ARMC9: variants seen among roughly 807,000 people sequenced by gnomAD.
ARMC9 encodes armadillo repeat containing 9, also known as lisH domain-containing protein ARMC9.
In ARMC9, 94 loss-of-function variants were observed where a neutral mutation model predicts 107.0. The observed-to-expected ratio is 0.88, with a 90% CI of 0.74 to 1.04. The LOEUF is 1.04. ARMC9 is among the 50% of genes least tolerant of loss of function. The probability of loss-of-function intolerance (pLI) is 0.00; values close to 1 mark genes in which losing one functional copy is unlikely to be tolerated. For synonymous variants in ARMC9, 380 were observed against 396.9 expected (o/e 0.96, Z 0.51); for missense variants, 942 against 1,030.1 (o/e 0.91, Z 1.17).
At chr2:231,266,848 C>T (rs1014405052) in intron 12 of ARMC9, among the ~76,000 whole-genome samples, 21 of 152,234 alleles carry the variant, frequency 1.4e-4, no homozygotes, top group Admixed American at 6.5e-5. Context: ...TCTCTTCCTC[C>T]GTCAGTAGAA....
At chr2:231,307,374 G>A (rs578058968) in intron 19 of ARMC9, among the ~76,000 whole-genome samples, 2 of 152,296 alleles carry the variant, frequency 1.3e-5, no homozygotes, top group South Asian at 2.1e-4. Flanking sequence ...ATGGCCAGGC[G>A]TGTAAGAGCC....
intron 5 of ARMC9, 117 bp from the exon 6 acceptor site, chr2:231,222,611 A>G (rs1193333354): frequency 9.4e-6 from 5 of 532,932 alleles, no homozygotes; most frequent in Non-Finnish European, 1.7e-5. Flanking sequence ...CGTCACTGGC[A>G]TTTTGGTTTT....
chr2:231,332,440 G>C (rs2043805696), intron 20 of ARMC9, among the ~76,000 whole-genome samples: 1 of 152,118 alleles, frequency 6.6e-6, no homozygotes, highest in African/African-American at 2.4e-5. Flanking sequence ...AACTGAAGAG[G>C]GTTATGGAAA....
chr2:231,277,854 C>A (rs940517880), intron 15 of ARMC9, among the ~76,000 whole-genome samples: 11 of 152,134 alleles, frequency 7.2e-5, no homozygotes, highest in African/African-American at 2.7e-4. Flanking sequence ...TAAAGCACCG[C>A]ACCCAGCCAA....
In ARMC9 at chr2:231,235,205, G is replaced by T; in HGVS notation, c.623-19G>T. 1 of 1,605,022 alleles carries T rather than the reference G, an allele frequency of 6.2e-7. No individual in the cohort carries two copies. On this transcript the variant is annotated intron_variant, in intron 7 of 24. Transcript: ENST00000611582. The stretch of plus-strand genomic sequence containing the variant: ...TTGTGGATTTTTATTGATGTTGTTT[G>T]TTTTAACTGTCTTCCTAGAAATCTT...
At chr2:231,306,100 T>C (rs1293174290) in intron 19 of ARMC9, among the ~76,000 whole-genome samples, 2 of 152,204 alleles carry the variant, frequency 1.3e-5, no homozygotes, top group African/African-American at 4.8e-5. Context: ...GAAAGACAGC[T>C]TTCATCATAT....
intron 6 of ARMC9, among the ~76,000 whole-genome samples, chr2:231,226,356 C>T (rs149402571): frequency 6.6e-6 from 1 of 152,300 alleles, no homozygotes; most frequent in Non-Finnish European, 1.5e-5. Context: ...CAATACTGTG[C>T]TATGCTGTTT....
intron 9 of ARMC9, 184 bp downstream of exon 9, chr2:231,240,225 GC>G: frequency 1.6e-6 from 1 of 621,510 alleles, no homozygotes; most frequent in Non-Finnish European, 2.8e-6. Context: ...CTGAAAGCTG[GC>G]CTCCTAGGGA....
chr2:231,256,271 T>A lies in ARMC9; in HGVS notation c.880-315T>A, dbSNP rs900860477. 3.7e-5 allele frequency: 58 copies of A among 1,552,784 alleles called. No homozygotes were observed. In the African/African-American group the frequency reaches 6.6e-4, roughly 18 times the overall value. ...GCGCGAGGGCGACGTGCTCACCCTT[T>A]TGGAGTCAGAGCGAGAAGCCCGGAG... On this transcript the variant is annotated intron_variant, in intron 9 of 24. Coordinates refer to ENST00000611582, the MANE Select transcript of ARMC9 (RefSeq NM_001352754.2).
At chr2:231,286,324 C>T (rs1033311300) in intron 17 of ARMC9, among the ~76,000 whole-genome samples, 32 of 152,190 alleles carry the variant, frequency 2.1e-4, no homozygotes, top group Admixed American at 2.0e-3. Context: ...CCGTGTTGGC[C>T]AGGCTGGTCT....
intron 21 of ARMC9, among the ~76,000 whole-genome samples, chr2:231,350,451 A>G (rs2125587351): frequency 6.6e-6 from 1 of 152,030 alleles, no homozygotes; most frequent in Admixed American, 6.5e-5. Context: ...TGTTTGATAC[A>G]TTTCCTTGCT....
intron 23 of ARMC9, among the ~76,000 whole-genome samples, chr2:231,363,883 CAAAAAAAAAAAAAA>C (rs1176736980): frequency 7.4e-4 from 12 of 16,282 alleles, no homozygotes; most frequent in South Asian, 2.9e-3. Context: ...GACTCCGTCT[CAAAAAAAAAAAAAA>C]AAAAAAAAAA....
At chr2:231,321,079 T>C (rs2042971501) in intron 19 of ARMC9, among the ~76,000 whole-genome samples, 1 of 152,222 alleles carries the variant, frequency 6.6e-6, no homozygotes, top group East Asian at 1.9e-4. Flanking sequence ...AGTGTTCTCA[T>C]CTGTAAAGCG....
intron 10 of ARMC9, among the ~76,000 whole-genome samples, chr2:231,257,928 C>T (rs971052008): frequency 2.0e-5 from 3 of 152,120 alleles, no homozygotes; most frequent in Non-Finnish European, 2.9e-5. Context: ...CTTGTTTTAG[C>T]GACAAGGAAG....
At chr2:231,295,939 T>C (rs1184900997) in intron 18 of ARMC9, 1 of 322,880 alleles carries the variant, frequency 3.1e-6, no homozygotes, top group Non-Finnish European at 5.6e-6. Flanking sequence ...TCCCCTAAAA[T>C]TATATGCTGG....
chr2:231,216,591 T>C lies in ARMC9; in HGVS notation c.349-47T>C, dbSNP rs1397144543. On this transcript the variant is annotated intron_variant, in intron 4 of 24. Transcript: ENST00000611582. ...GAGAGGATGGGGTGAGCAGATAGAC[T>C]GGGCATTGATCTGGAGACCTCAAAC... is the stretch of plus-strand genomic sequence containing the variant. The C allele has an allele frequency of 3.2e-6, 5 of 1,583,128 alleles. No individual in the cohort carries two copies. The East Asian group carries it at 1.1e-4, about 35-fold the overall frequency.
At chr2:231,292,723 C>A (rs544466191) in intron 18 of ARMC9, among the ~76,000 whole-genome samples, 4 of 152,292 alleles carry the variant, frequency 2.6e-5, no homozygotes, top group African/African-American at 9.6e-5. Context: ...TCCCTGACAC[C>A]CAGCAGTCCA....
At chr2:231,230,464 T>C (rs565281158) in intron 7 of ARMC9, among the ~76,000 whole-genome samples, 1 of 152,348 alleles carries the variant, frequency 6.6e-6, no homozygotes, top group East Asian at 1.9e-4. Flanking sequence ...TGTTTAATGC[T>C]CTGAAATAAA....
At chr2:231,316,601 G>A (rs2042694906) in intron 19 of ARMC9, among the ~76,000 whole-genome samples, 1 of 150,448 alleles carries the variant, frequency 6.6e-6, no homozygotes, top group African/African-American at 2.4e-5. Context: ...TGAGGCGGAG[G>A]TTGCAATGAG....
Sources: allele counts gnomAD v4.1 joint callset (sites outside exome capture counted in the v4.1 genomes callset), GRCh38; gene constraint gnomAD v4.1.1; transcripts MANE v1.5; gene names NCBI Gene and HGNC (gene_info 2026-07-23, HGNC 2026-07-21).